The following NIPAL2 variants were observed in gnomAD, a reference collection of about 807,000 sequenced individuals.
NIPAL2 encodes the protein NIPA-like protein 2.
In NIPAL2, 43 loss-of-function variants were observed where a neutral mutation model predicts 48.9. The observed-to-expected ratio is 0.88, with a 90% CI of 0.69 to 1.13. The LOEUF is 1.13. Among genes scored for constraint, NIPAL2 ranks in the 50% most tolerant of loss-of-function variants. The probability of loss-of-function intolerance (pLI) is 0.00; values close to 1 mark genes in which losing one functional copy is unlikely to be tolerated. For missense variants in NIPAL2, 446 were observed against 461.4 expected (o/e 0.97, Z 0.31); for synonymous variants, 167 against 174.6 (o/e 0.96, Z 0.34).
chr8:98,288,135 A>T (rs1586497695), intron 1 of NIPAL2, among the ~76,000 whole-genome samples: 1 of 151,728 alleles, frequency 6.6e-6, no homozygotes, highest in East Asian at 1.9e-4. Context: ...GGTGCACTGC[A>T]CCCACTAACT....
In NIPAL2 at chr8:98,222,616, A is replaced by C. The variant is rs1220242891; in HGVS notation, c.437-16T>G. ...AGTGTCGTACCTTTAAATAAAATTG[A>C]AAAGAAAAACCAAATTGAAACCAAC... On this transcript the variant is annotated splice_polypyrimidine_tract_variant and intron_variant, in intron 4 of 10. Transcript: ENST00000430223. 2 of 1,611,342 alleles carry C rather than the reference A, an allele frequency of 1.2e-6. No homozygotes were observed. The highest frequency in any genetic ancestry group is 1.7e-6 in the Non-Finnish European group (2 of 1,179,322).
At chr8:98,197,281 C>A (rs1438242075) in intron 8 of NIPAL2, among the ~76,000 whole-genome samples, 1 of 152,066 alleles carries the variant, frequency 6.6e-6, no homozygotes, top group African/African-American at 2.4e-5. Flanking sequence ...ATCAAATGTG[C>A]AATAGCATTA....
intron 2 of NIPAL2, 74 bp from the exon 3 acceptor site, chr8:98,252,708 T>A: frequency 1.6e-6 from 2 of 1,249,274 alleles, no homozygotes; most frequent in East Asian, 2.6e-5. Context: ...TTCTTTTGTA[T>A]TCCTTTAATT....
At chr8:98,234,416 T>C (rs762795786) in intron 4 of NIPAL2, among the ~76,000 whole-genome samples, 14 of 152,216 alleles carry the variant, frequency 9.2e-5, no homozygotes, top group South Asian at 2.1e-4. Context: ...ATTTGATCAT[T>C]ATTCAATCAT....
intron 4 of NIPAL2, among the ~76,000 whole-genome samples, chr8:98,228,173 T>G (rs916298938): frequency 3.3e-5 from 5 of 152,222 alleles, no homozygotes; most frequent in African/African-American, 1.2e-4. Context: ...TTCAGCAATA[T>G]GAAGTTAACA....
intron 3 of NIPAL2, among the ~76,000 whole-genome samples, chr8:98,250,447 C>G (rs551522714): frequency 6.6e-6 from 1 of 152,196 alleles, no homozygotes; most frequent in East Asian, 1.9e-4. Flanking sequence ...ACCAGCAGTC[C>G]CTCACCCACC....
At chr8:98,257,260 C>T (rs766118202) in intron 1 of NIPAL2, among the ~76,000 whole-genome samples, 1 of 152,126 alleles carries the variant, frequency 6.6e-6, no homozygotes, top group Non-Finnish European at 1.5e-5. Flanking sequence ...CAAATTCCAG[C>T]CTGACTCTAG....
chr8:98,284,088 G>C (rs1321048883), intron 1 of NIPAL2, among the ~76,000 whole-genome samples: 5 of 152,082 alleles, frequency 3.3e-5, no homozygotes, highest in Non-Finnish European at 7.3e-5. Context: ...CCTGGCAAAA[G>C]CCTCACATCC....
Position 98,192,780 on chromosome 8 carries a change from A to G in NIPAL2, c.*198T>C. 1 of 595,194 alleles carries G rather than the reference A, an allele frequency of 1.7e-6. No homozygotes were observed. Among genetic ancestry groups the G allele is most frequent in the Non-Finnish European group, 3.0e-6 (1 of 334,686 alleles). 36.9% of individuals were successfully genotyped at this position (595,194 alleles called of 1,614,324 possible). A position where few individuals can be genotyped will look rare whatever the true frequency, so the allele number is the denominator to read the frequency against. On this transcript the variant is annotated 3_prime_UTR_variant, in exon 11 of 11. Coordinates refer to ENST00000430223, the MANE Select transcript of NIPAL2 (RefSeq NM_001321635.2). ...GTCCAGGGTGTGGGGAACACTCCAA[A>G]TCACATTCCATGGAAATATTAGACT...
At chr8:98,236,015 A>G in intron 4 of NIPAL2, 140 bp downstream of exon 4, 1 of 586,100 alleles carries the variant, frequency 1.7e-6, no homozygotes, top group Non-Finnish European at 3.0e-6. Context: ...CCAAGACAGA[A>G]TAATGCCTGA....
chr8:98,211,514 G>A (rs1811314270), intron 6 of NIPAL2, among the ~76,000 whole-genome samples: 1 of 152,170 alleles, frequency 6.6e-6, no homozygotes, highest in Non-Finnish European at 1.5e-5. Context: ...ATAGGAACAT[G>A]AAAACCCAGC....
intron 1 of NIPAL2, among the ~76,000 whole-genome samples, chr8:98,260,523 C>T (rs1430012348): frequency 1.3e-5 from 2 of 152,176 alleles, no homozygotes; most frequent in Non-Finnish European, 2.9e-5. Flanking sequence ...TGACGGACGG[C>T]ACCTGGAAAA....
Position 98,252,617 on chromosome 8 carries a change from C to G in NIPAL2, c.222G>C (p.Gln74His). 3 of 1,612,020 alleles carry G rather than the reference C, an allele frequency of 1.9e-6. No individual in the cohort carries two copies. Among genetic ancestry groups the G allele is most frequent in the Non-Finnish European group, 2.5e-6 (3 of 1,179,450 alleles). The change falls in exon 3 of 11, where the codon CAG becomes CAC. Residue 74 changes from glutamine (Q) to histidine (H), a missense_variant. By Grantham distance (24) the Gln-to-His change is conservative (BLOSUM62 0). Coordinates refer to ENST00000430223, the MANE Select transcript of NIPAL2 (RefSeq NM_001321635.2). ...SLNIQKYSHL[Q>H]LAQQEHPRPY... is the part of the protein sequence containing the mutation. ...GCCTTGGGTGCTCTTGTTGTGCCAG[C>G]TGAAGGTGAGAATATTTCTGAAAGT...
At chr8:98,228,222 C>T (rs1217881443) in intron 4 of NIPAL2, among the ~76,000 whole-genome samples, 2 of 152,172 alleles carry the variant, frequency 1.3e-5, no homozygotes, top group Admixed American at 6.5e-5. Context: ...TTGGTTCTTA[C>T]GAAGGTGCTT....
intron 8 of NIPAL2, among the ~76,000 whole-genome samples, chr8:98,199,329 T>TAGTGAGGAA (rs1404552158): frequency 5.3e-5 from 8 of 152,198 alleles, no homozygotes; most frequent in Non-Finnish European, 1.0e-4. Flanking sequence ...CAGCCTATCT[T>TAGTGAGGAA]GGCTTTTGAC....
At chr8:98,225,785 T>C (rs2443562) in intron 4 of NIPAL2, among the ~76,000 whole-genome samples, 127,967 of 152,030 alleles carry the variant, frequency 0.84, 54,548 homozygotes, top group Non-Finnish European at 0.9. Flanking sequence ...TGTTATTATC[T>C]CTTTGTATAA....
chr8:98,282,226 C>T (rs1815876119), intron 1 of NIPAL2, among the ~76,000 whole-genome samples: 1 of 152,088 alleles, frequency 6.6e-6, no homozygotes, highest in Non-Finnish European at 1.5e-5. Context: ...GCCCTGCAGG[C>T]CTGAAAGCAG....
chr8:98,265,987 A>G (rs1814703214), intron 1 of NIPAL2, among the ~76,000 whole-genome samples: 1 of 151,872 alleles, frequency 6.6e-6, no homozygotes, highest in African/African-American at 2.4e-5. Flanking sequence ...TTGTAGGGAC[A>G]TGGATGAAAT....
At chr8:98,224,238 G>T (rs1395785703) in intron 4 of NIPAL2, among the ~76,000 whole-genome samples, 1 of 152,196 alleles carries the variant, frequency 6.6e-6, no homozygotes, top group Admixed American at 6.5e-5. Context: ...TACCCTGGTG[G>T]TTCACTAGTT....
Sources: allele counts gnomAD v4.1 joint callset (sites outside exome capture counted in the v4.1 genomes callset), GRCh38; gene constraint gnomAD v4.1.1; transcripts MANE v1.5; gene names NCBI Gene and HGNC (gene_info 2026-07-23, HGNC 2026-07-21).